Variants in VWA3B observed in about 807,000 individuals in gnomAD.
The protein encoded by VWA3B is von Willebrand factor A domain-containing protein 3B.
A neutral mutation model predicts 158.3 loss-of-function variants in VWA3B; 138 were observed. The ratio of observed to expected loss-of-function variants is 0.87; its 90% CI spans 0.76 to 1.00. VWA3B has a LOEUF of 1.00. VWA3B is among the 50% of genes least tolerant of loss of function. VWA3B has a pLI of 0.00. For missense variants in VWA3B, 1,555 were observed against 1,565.1 expected (o/e 0.99, Z 0.11); for synonymous variants, 596 against 587.3 (o/e 1.01, Z -0.21).
At chr2:98,143,901 C>T (rs975159836) in intron 7 of VWA3B, among the ~76,000 whole-genome samples, 1 of 151,830 alleles carries the variant, frequency 6.6e-6, no homozygotes, top group Non-Finnish European at 1.5e-5. Context: ...CAGGTGTGCA[C>T]CACTATGCCT....
intron 13 of VWA3B, chr2:98,216,943 G>A (rs1684056208): frequency 7.7e-7 from 1 of 1,300,600 alleles, no homozygotes; most frequent in Non-Finnish European, 1.0e-6. Context: ...GCTGAAGACA[G>A]CATGAGTGGG....
intron 14 of VWA3B, among the ~76,000 whole-genome samples, chr2:98,225,540 C>G (rs1684852434): frequency 6.6e-6 from 1 of 152,064 alleles, no homozygotes; most frequent in Non-Finnish European, 1.5e-5. Context: ...TTAGAAGAGT[C>G]AAAGACATCT....
At chr2:98,214,309 T>A (rs1277544324) in intron 13 of VWA3B, among the ~76,000 whole-genome samples, 1 of 152,096 alleles carries the variant, frequency 6.6e-6, no homozygotes, top group Non-Finnish European at 1.5e-5. Flanking sequence ...TCACATGCAT[T>A]GTTCCAAGTC....
chr2:98,303,928 C>T lies in VWA3B; in HGVS notation c.3521+126C>T, dbSNP rs1690356084. 2.2e-5 allele frequency: 19 copies of T among 861,894 alleles called. No homozygotes were observed. In the South Asian group the frequency reaches 3.1e-4, roughly 14 times the overall value. 53.4% of individuals were successfully genotyped at this position (861,894 alleles called of 1,614,324 possible). On this transcript the variant is annotated intron_variant, in intron 26 of 27. Coordinates refer to ENST00000477737, the MANE Select transcript of VWA3B (RefSeq NM_144992.5). ...AAAAGTAGAGATGCAGAATGTCCTA[C>T]TTAAAATGTAGCTCTGTGTTTATTA...
At chr2:98,189,146 C>T (rs564523513) in intron 10 of VWA3B, among the ~76,000 whole-genome samples, 5 of 152,326 alleles carry the variant, frequency 3.3e-5, no homozygotes, top group African/African-American at 9.6e-5. Flanking sequence ...CAGTGATTCA[C>T]GCCTGTAATC....
chr2:98,178,699 G>A (rs1466072563), intron 8 of VWA3B, among the ~76,000 whole-genome samples: 1 of 152,128 alleles, frequency 6.6e-6, no homozygotes, highest in Non-Finnish European at 1.5e-5. Flanking sequence ...ACAGTTGCCT[G>A]GGGAGCTTTG....
intron 7 of VWA3B, among the ~76,000 whole-genome samples, chr2:98,153,540 A>G (rs1444392138): frequency 1.3e-5 from 2 of 152,206 alleles, no homozygotes; most frequent in Non-Finnish European, 2.9e-5. Context: ...TAACCAAGTC[A>G]TGTTCCTGGC....
intron 14 of VWA3B, 59 bp downstream of exon 14, chr2:98,218,087 G>A (rs62156669): frequency 0.066 from 99,878 of 1,508,688 alleles, 3,986 homozygotes; most frequent in Non-Finnish European, 0.077. Flanking sequence ...ACAGGCTGGC[G>A]GTCCCTGGGT....
intron 22 of VWA3B, among the ~76,000 whole-genome samples, chr2:98,282,228 G>A (rs1039932030): frequency 6.6e-6 from 1 of 152,104 alleles, no homozygotes; most frequent in African/African-American, 2.4e-5. Flanking sequence ...TTCTGTTTCT[G>A]TGGGATGAAC....
chr2:98,164,641 T>C (rs1678917159), intron 8 of VWA3B, among the ~76,000 whole-genome samples: 1 of 152,138 alleles, frequency 6.6e-6, no homozygotes. Flanking sequence ...GCCTAAACTT[T>C]TACAAAAAAA....
intron 14 of VWA3B, among the ~76,000 whole-genome samples, chr2:98,220,545 G>A (rs951217778): frequency 3.9e-5 from 6 of 152,110 alleles, no homozygotes; most frequent in East Asian, 1.9e-4. Flanking sequence ...ACAGTGTGGC[G>A]ATTCCTCAAG....
At chr2:98,229,819 C>T (rs1294882658) in intron 15 of VWA3B, among the ~76,000 whole-genome samples, 1 of 152,134 alleles carries the variant, frequency 6.6e-6, no homozygotes, top group Admixed American at 6.5e-5. Flanking sequence ...CCAGGAGGGA[C>T]CAGACCTGTG....
chr2:98,168,307 T>C (rs889393711), intron 8 of VWA3B, among the ~76,000 whole-genome samples: 3 of 152,022 alleles, frequency 2.0e-5, no homozygotes, highest in Non-Finnish European at 4.4e-5. Flanking sequence ...AGGAAACAGA[T>C]GAGTTATGAG....
chr2:98,132,143 T>C (rs1310123933), intron 6 of VWA3B, among the ~76,000 whole-genome samples: 1 of 152,224 alleles, frequency 6.6e-6, no homozygotes, highest in Non-Finnish European at 1.5e-5. Context: ...TGAGAGAAGC[T>C]GTGGTTCAGC....
intron 13 of VWA3B, among the ~76,000 whole-genome samples, chr2:98,212,326 T>C (rs1683597185): frequency 6.6e-6 from 1 of 152,196 alleles, no homozygotes; most frequent in African/African-American, 2.4e-5. Context: ...TGGTTTGCAT[T>C]TTATTACAAA....
chr2:98,256,293 C>T, intron 21 of VWA3B, 119 bp downstream of exon 21: 1 of 1,151,196 alleles, frequency 8.7e-7, no homozygotes, highest in Non-Finnish European at 1.2e-6. Context: ...GTTCTGCAAA[C>T]CACTACCTTT....
rs147155951 is a variant in VWA3B, at chr2:98,108,076, A to G, written c.197-7576A>G. Among the ~76,000 whole-genome samples the G allele has an allele frequency of 9.0e-3, 1,369 of 152,138 alleles. 21 individuals are homozygous for G. The highest frequency in any genetic ancestry group is 0.031 in the African/African-American group (1,285 of 41,550). ...TATGTTGTATTATTATTTCCACTTA[A>G]TTAAAAGTCTTTTATTTTCATCAAG... On this transcript the variant is annotated intron_variant, in intron 2 of 27. Coordinates refer to ENST00000477737, the MANE Select transcript of VWA3B (RefSeq NM_144992.5).
At chr2:98,303,942 C>A in intron 26 of VWA3B, 140 bp downstream of exon 26, 1 of 779,410 alleles carries the variant, frequency 1.3e-6, no homozygotes, top group Non-Finnish European at 2.1e-6. Flanking sequence ...AAATGTAGCT[C>A]TGTGTTTATT....
rs566634894 is a variant in VWA3B at position 98,207,547 on chromosome 2, T to C, written c.1738-4383T>C. The C allele has an allele frequency of 1.0e-4, 52 of 521,212 alleles. No individual in the cohort carries two copies. In the East Asian group the frequency reaches 2.6e-3, roughly 26 times the overall value. 32.3% of individuals were successfully genotyped at this position (521,212 alleles called of 1,614,324 possible). On this transcript the variant is annotated intron_variant, in intron 12 of 27. Transcript: ENST00000477737. ...AATACAACGTTTCTTGTCTCAGCCATTCCAGGCTGCTGAGGTCATCACAGG... is the reference window on the plus strand; with the variant it reads ...AATACAACGTTTCTTGTCTCAGCCACTCCAGGCTGCTGAGGTCATCACAGG...
Sources: allele counts gnomAD v4.1 joint callset (sites outside exome capture counted in the v4.1 genomes callset), GRCh38; gene constraint gnomAD v4.1.1; transcripts MANE v1.5; gene names NCBI Gene and HGNC (gene_info 2026-07-23, HGNC 2026-07-21).